CARF: variants seen among roughly 807,000 people sequenced by gnomAD.
CARF encodes calcium-responsive transcription factor.
In CARF, 57 loss-of-function variants were observed where a neutral mutation model predicts 82.0. That is an observed-to-expected ratio of 0.70 (90% CI 0.56 to 0.87). The LOEUF is 0.87. CARF is among the 40% of genes least tolerant of loss of function. The pLI is 0.00. For synonymous variants in CARF, 268 were observed against 290.1 expected, an observed-to-expected ratio of 0.92 and a Z score of 0.77; for missense variants, 771 against 855.8, an observed-to-expected ratio of 0.90 and a Z score of 1.24.
At chr2:202,958,249 A>ATATGTGTGTGTGTGTGTGTG (rs1553564520) in intron 8 of CARF, among the ~76,000 whole-genome samples, 1 of 139,930 alleles carries the variant, frequency 7.1e-6, no homozygotes, top group Non-Finnish European at 1.5e-5. Context: ...ATATACATAT[A>ATATGTGTGTGTGTGTGTGTG]TGTGTGTGTG....
chr2:202,941,978 G>C lies in CARF; in HGVS notation c.76G>C (p.Glu26Gln), dbSNP rs369170727. 1.2e-6 allele frequency: 2 copies of C among 1,612,894 alleles called. No individual in the cohort carries two copies. The highest frequency in any genetic ancestry group is 1.3e-5 in the African/African-American group (1 of 74,994). ...EESKTSAQVF[E>Q]HLICMDSRDS... is the part of the protein sequence containing the mutation. ...GTCAAAAACCAGTGCTCAAGTATTT[G>C]AGGTATGGATTCAGCTGGGAACCTT... Residue 26 changes from glutamate to glutamine, a missense_variant and splice_region_variant, in exon 4 of 17, where the codon GAG becomes CAG. Physicochemically the swap from Glu to Gln is conservative, Grantham distance 29. Coordinates refer to ENST00000438828, the MANE Select transcript of CARF (RefSeq NM_024744.17).
chr2:202,937,912 G>A (rs200719056), intron 3 of CARF, among the ~76,000 whole-genome samples: 5 of 148,208 alleles, frequency 3.4e-5, no homozygotes, highest in East Asian at 2.0e-4. Flanking sequence ...GGTGTGAGCC[G>A]TTGCACCCAG....
chr2:202,931,470 C>A (rs1228527890), intron 3 of CARF, among the ~76,000 whole-genome samples: 1 of 152,132 alleles, frequency 6.6e-6, no homozygotes, highest in East Asian at 1.9e-4. Context: ...CAGTTGGTGC[C>A]CCAATTCCTG....
rs776089990 is a variant in CARF, at chr2:202,942,961, A to G, written c.300A>G (p.Ala100=). ...TTCAGTCATTGGGGGAATCCAATGCACAAATGGTGAGTATATTTTATAAGT... is the reference window on the plus strand; with the variant it reads ...TTCAGTCATTGGGGGAATCCAATGCGCAAATGGTGAGTATATTTTATAAGT... ...YELQSLGESN[A]QMMIVASPTE... The change falls in exon 5 of 17, where the codon GCA becomes GCG. Residue 100 remains alanine, a synonymous_variant. Transcript: ENST00000438828. 5 of 1,612,328 alleles carry G rather than the reference A, an allele frequency of 3.1e-6. No individual in the cohort carries two copies. In the South Asian group the frequency reaches 3.3e-5, roughly 11 times the overall value.
intron 5 of CARF, among the ~76,000 whole-genome samples, chr2:202,951,423 G>A (rs892824415): frequency 1.3e-5 from 2 of 152,116 alleles, no homozygotes; most frequent in Non-Finnish European, 2.9e-5. Flanking sequence ...GTCTGGGAAC[G>A]TGGGTTGGAA....
chr2:202,971,745 T>C lies in CARF; in HGVS notation c.1331+7T>C, dbSNP rs116313173. 837 of 1,581,118 alleles carry C rather than the reference T, an allele frequency of 5.3e-4. 6 individuals carry two copies. The African/African-American group carries it at 0.01, about 20-fold the overall frequency. ...CAGTAAGGAAACAGCTAAGGTACAA[T>C]AGAAGAGCATTGTTCTTTTACATTT... On this transcript the variant is annotated splice_region_variant and intron_variant, in intron 12 of 16. Coordinates refer to ENST00000438828, the MANE Select transcript of CARF (RefSeq NM_024744.17).
chr2:202,981,732 C>T, intron 15 of CARF, 47 bp downstream of exon 15: 2 of 1,469,692 alleles, frequency 1.4e-6, no homozygotes, highest in Non-Finnish European at 1.9e-6. Context: ...TCTCTTTATT[C>T]CTCCATTTAC....
chr2:202,972,456 A>G (rs1450004061), intron 12 of CARF, among the ~76,000 whole-genome samples: 2 of 151,962 alleles, frequency 1.3e-5, no homozygotes, highest in Non-Finnish European at 2.9e-5. Flanking sequence ...AGGAGGGCAG[A>G]TCATGAGGTC....
intron 2 of CARF, among the ~76,000 whole-genome samples, chr2:202,919,938 CT>C (rs1690475493): frequency 6.6e-6 from 1 of 152,072 alleles, no homozygotes; most frequent in Admixed American, 6.6e-5. Flanking sequence ...AGGTAAAACA[CT>C]TTTAGCATAG....
intron 2 of CARF, among the ~76,000 whole-genome samples, chr2:202,922,680 C>T (rs1049994488): frequency 3.3e-5 from 5 of 152,054 alleles, no homozygotes; most frequent in African/African-American, 1.2e-4. Flanking sequence ...TGGCAGGCTC[C>T]TATAATCCTA....
chr2:202,961,325 T>C lies in CARF; in HGVS notation c.731T>C (p.Val244Ala), dbSNP rs1461581676. The change falls in exon 9 of 17, where the codon GTT becomes GCT. Residue 244 changes from valine (V) to alanine (A), a missense_variant. Val to Ala is a moderately conservative substitution (Grantham distance 64). Transcript: ENST00000438828. ...TTTCACAAGCAGCAAACACAGAGTG[T>C]TTGGGGGACCCGTCAGTCTCCAAGC... is the stretch of plus-strand genomic sequence containing the variant. Reference protein sequence around the residue: ...LTFHKQQTQSVWGTRQSPSPA... With the variant: ...LTFHKQQTQSAWGTRQSPSPA... 2.5e-6 allele frequency: 4 copies of C among 1,614,216 alleles called. No homozygotes were observed. The highest frequency in any genetic ancestry group is 1.7e-5 in the Admixed American group (1 of 60,024).
chr2:202,968,075 A>C (rs534123842), intron 10 of CARF, among the ~76,000 whole-genome samples: 1 of 152,184 alleles, frequency 6.6e-6, no homozygotes, highest in African/African-American at 2.4e-5. Flanking sequence ...TGATCTTTGA[A>C]ACACTTTTAG....
At position 202,956,933 on chromosome 2, in the gene CARF, C is replaced by T. The variant is rs1204005451; in HGVS notation, c.642+1175C>T. On this transcript the variant is annotated intron_variant, in intron 8 of 16. Coordinates refer to ENST00000438828, the MANE Select transcript of CARF (RefSeq NM_024744.17). ...CCTCTTGAGTAGCTGAGACTACTTGCGCGTGCCACCACGCTCAGCTAATTT... is the reference window on the plus strand; with the variant it reads ...CCTCTTGAGTAGCTGAGACTACTTGTGCGTGCCACCACGCTCAGCTAATTT... Among the ~76,000 whole-genome samples the T allele has an allele frequency of 3.9e-5, 6 of 152,040 alleles. No homozygotes were observed. The East Asian group carries it at 5.8e-4, about 15-fold the overall frequency.
At chr2:202,913,124 A>G (rs983552326) in intron 1 of CARF, 22 bp downstream of exon 1, 5 of 152,192 alleles carry the variant, frequency 3.3e-5, no homozygotes, top group African/African-American at 4.8e-5. Flanking sequence ...GGTGAAGACA[A>G]AGCTTTCCTT....
intron 3 of CARF, among the ~76,000 whole-genome samples, chr2:202,927,333 T>C (rs955128468): frequency 2.6e-5 from 4 of 152,092 alleles, no homozygotes; most frequent in South Asian, 2.1e-4. Context: ...CTTTTTTTTT[T>C]CCATAAAAGC....
intron 5 of CARF, among the ~76,000 whole-genome samples, chr2:202,945,324 TACTTTTA>T (rs1218701140): frequency 1.3e-5 from 2 of 152,220 alleles, no homozygotes; most frequent in Non-Finnish European, 2.9e-5. Context: ...TTGTTTTATT[TACTTTTA>T]ACTTTTACTT....
chr2:202,933,010 G>T (rs930974991), intron 3 of CARF, among the ~76,000 whole-genome samples: 2 of 152,130 alleles, frequency 1.3e-5, no homozygotes, highest in African/African-American at 4.8e-5. Flanking sequence ...GGAGGCCCAG[G>T]CATCATTTCC....
At chr2:202,967,796 C>G (rs2059614669) in intron 10 of CARF, among the ~76,000 whole-genome samples, 1 of 152,190 alleles carries the variant, frequency 6.6e-6, no homozygotes, top group East Asian at 1.9e-4. Context: ...ACAAATATTG[C>G]AAAGTTGCTT....
chr2:202,950,621 T>C (rs531620375), intron 5 of CARF, among the ~76,000 whole-genome samples: 1 of 152,052 alleles, frequency 6.6e-6, no homozygotes, highest in Non-Finnish European at 1.5e-5. Context: ...TTTGAAGGAG[T>C]CAGATTGCTT....
Sources: allele counts gnomAD v4.1 joint callset (sites outside exome capture counted in the v4.1 genomes callset), GRCh38; gene constraint gnomAD v4.1.1; transcripts MANE v1.5; gene names NCBI Gene and HGNC (gene_info 2026-07-23, HGNC 2026-07-21).